Variants in POLRMT observed in about 807,000 individuals in gnomAD.
POLRMT encodes the protein RNA polymerase mitochondrial.
Under a neutral mutation model 132.2 loss-of-function variants are expected in POLRMT, and 114 were observed. The ratio of observed to expected loss-of-function variants is 0.86; its 90% CI spans 0.74 to 1.01. POLRMT has a LOEUF of 1.01. POLRMT is among the 50% of genes least tolerant of loss of function. POLRMT has a pLI of 0.00. For missense variants in POLRMT, 2,003 were observed against 1,729.1 expected, an observed-to-expected ratio of 1.16 and a Z score of -2.81; for synonymous variants, 1,020 against 773.4, an observed-to-expected ratio of 1.32 and a Z score of -5.29.
chr19:617,384 TCGAGCCACCCTTG>T (rs770121530), intron 20 of POLRMT, 22 bp downstream of exon 20: 1 of 1,612,402 alleles, frequency 6.2e-7, no homozygotes, highest in South Asian at 1.1e-5. Context: ...GGCCCGCAGT[TCGAGCCACCCTTG>T]CGAGGCTGCC....
Position 633,529 on chromosome 19 carries a change from G to GGCGCCGCCGCAGCC in POLRMT, c.-18_-17insGGCTGCGGCGGCGC. The stretch of plus-strand genomic sequence containing the variant: ...TGCCGACATTACGCACGCCGCTCCA[G>GGCGCCGCCGCAGCC]GCCACCCCACCGGCCCGCGCCTGCG... On this transcript the variant is annotated 5_prime_UTR_variant, in exon 1 of 21. Transcript: ENST00000588649. 1 of 1,463,692 alleles carries GGCGCCGCCGCAGCC rather than the reference G, an allele frequency of 6.8e-7. No homozygotes were observed. The highest frequency in any genetic ancestry group is 9.0e-7 in the Non-Finnish European group (1 of 1,109,956). 90.7% of individuals were successfully genotyped at this position (1,463,692 alleles called of 1,614,324 possible).
chr19:618,946 T>C, intron 15 of POLRMT, 51 bp downstream of exon 15: 1 of 1,454,056 alleles, frequency 6.9e-7, no homozygotes, highest in African/African-American at 1.4e-5. Context: ...ACTGGGACGC[T>C]GTTACACTGG....
intron 2 of POLRMT, 117 bp from the exon 3 acceptor site, chr19:630,285 G>A (rs887243706): frequency 1.6e-6 from 2 of 1,241,534 alleles, no homozygotes; most frequent in African/African-American, 3.0e-5. Context: ...TGGGACCCAA[G>A]GCGTGAATTC....
chr19:623,111 G>A, intron 6 of POLRMT, 126 bp from the exon 7 acceptor site: 1 of 1,244,522 alleles, frequency 8.0e-7, no homozygotes, highest in Non-Finnish European at 1.1e-6. Context: ...GTGTGTTCCG[G>A]GTAGCTCCTC....
chr19:632,105 G>A (rs966410642), intron 2 of POLRMT, among the ~76,000 whole-genome samples: 3 of 144,248 alleles, frequency 2.1e-5, no homozygotes, highest in African/African-American at 7.7e-5. Flanking sequence ...CGCCCACCTT[G>A]GCCACCCAAA....
intron 13 of POLRMT, 61 bp downstream of exon 13, chr19:619,525 C>T (rs1568163992): frequency 1.9e-6 from 3 of 1,592,434 alleles, no homozygotes; most frequent in Non-Finnish European, 1.7e-6. Context: ...GGGGGCACAC[C>T]CGTCTGAGTT....
chr19:632,235 A>G (rs902280703), intron 2 of POLRMT, among the ~76,000 whole-genome samples: 63 of 149,326 alleles, frequency 4.2e-4, no homozygotes, highest in African/African-American at 1.5e-3. Context: ...GCACCTGGCC[A>G]GGTTTTTTCC....
In POLRMT at chr19:622,226, T is replaced by G; in HGVS notation, c.1774A>C (p.Ser592Arg). 6.4e-7 allele frequency: 1 copy of G among 1,563,772 alleles called. No individual in the cohort carries two copies. The highest frequency in any genetic ancestry group is 8.6e-7 in the Non-Finnish European group (1 of 1,157,070). The change falls in exon 9 of 21, where the codon AGC becomes CGC. Residue 592 changes from serine to arginine, a missense_variant. By Grantham distance (110) the Ser-to-Arg change is moderately radical (BLOSUM62 -1). Coordinates refer to ENST00000588649, the MANE Select transcript of POLRMT (RefSeq NM_005035.4). The stretch of plus-strand genomic sequence containing the variant: ...GAGGAACGATGCGGCTTGTCCAGGC[T>G]GCATGGCATCTGCGTAGCCTGCACC... ...MLVQATQMPCSLDKPHRSSRL... is the reference protein window; with the variant it reads ...MLVQATQMPCRLDKPHRSSRL...
chr19:628,371 G>A (rs1378314708), intron 3 of POLRMT, among the ~76,000 whole-genome samples: 1 of 152,152 alleles, frequency 6.6e-6, no homozygotes, highest in East Asian at 1.9e-4. Flanking sequence ...GGAGTCTGGC[G>A]CCCCCTGCAG....
At chr19:625,622 C>T (rs1984968837) in intron 3 of POLRMT, 2 of 187,748 alleles carry the variant, frequency 1.1e-5, no homozygotes, top group Non-Finnish European at 2.2e-5. Flanking sequence ...AACTTCCTCT[C>T]ATCTACTTGC....
chr19:626,884 T>TACACACACACACACAC (rs1290099212), intron 3 of POLRMT, among the ~76,000 whole-genome samples: 2 of 95,294 alleles, frequency 2.1e-5, no homozygotes, highest in Admixed American at 9.7e-5. Flanking sequence ...TGTCTTAAAA[T>TACACACACACACACAC]ATACACACAC....
intron 3 of POLRMT, among the ~76,000 whole-genome samples, chr19:627,395 G>A (rs151020743): frequency 0.086 from 12,891 of 150,742 alleles, 976 homozygotes; most frequent in South Asian, 0.21. Context: ...CTCGTGATCC[G>A]CCCGCCTCAG....
At position 619,615 on chromosome 19, in the gene POLRMT, G is replaced by A. The variant is rs745348188; in HGVS notation, c.3037C>T (p.Arg1013Cys). 1.2e-6 allele frequency: 2 copies of A among 1,610,798 alleles called. No homozygotes were observed. Among genetic ancestry groups the A allele is most frequent in the East Asian group, 2.2e-5 (1 of 44,888 alleles). Reference protein sequence around the residue: ...RYGGRLQIEKRLRELSDFPQE... With the variant: ...RYGGRLQIEKCLRELSDFPQE... ...GGAAAGTCGCTCAGCTCCCGGAGGC[G>A]CTTCTCAATCTGCAGGCGCCCGCCA... The change falls in exon 13 of 21, where the codon CGC (arginine) becomes TGC (cysteine). Residue 1013 changes from arginine to cysteine, a missense_variant. Transcript: ENST00000588649.
In POLRMT at chr19:619,307, C is replaced by T. The variant is rs370599584; in HGVS notation, c.3067-11G>A. On this transcript the variant is annotated splice_polypyrimidine_tract_variant and intron_variant, in intron 13 of 20. Transcript: ENST00000588649. Reference sequence around the variant, plus strand: ...CTCCCACACGAACTCCTGCAGAGGGCGGGCAGCAGGTGCAGGTCCTCAGGG... The same window carrying T: ...CTCCCACACGAACTCCTGCAGAGGGTGGGCAGCAGGTGCAGGTCCTCAGGG... 27 of 1,608,104 alleles carry T rather than the reference C, an allele frequency of 1.7e-5. No individual in the cohort carries two copies. The highest frequency in any genetic ancestry group is 6.7e-5 in the East Asian group (3 of 44,812).
chr19:618,612 G>T, intron 16 of POLRMT, 26 bp from the exon 17 acceptor site: 2 of 1,600,228 alleles, frequency 1.2e-6, no homozygotes. Context: ...GTGCCGGTGG[G>T]GGCGGCCCAG....
chr19:622,056 G>A (rs1984653166), intron 9 of POLRMT, 93 bp downstream of exon 9: 2 of 1,269,850 alleles, frequency 1.6e-6, no homozygotes, highest in South Asian at 3.0e-5. Context: ...CGGCTGCGCT[G>A]AGATCAAGGC....
At chr19:625,462 TG>T (rs766586262) in intron 3 of POLRMT, 114 of 571,924 alleles carry the variant, frequency 2.0e-4, no homozygotes, top group Non-Finnish European at 3.0e-4. Flanking sequence ...GCCCGCCAGG[TG>T]GGACTGTGGG....
At position 623,997 on chromosome 19, in the gene POLRMT, G is replaced by A. The variant is rs77896264; in HGVS notation, c.1141-394C>T. ...TAACAACTAAAGCCTAGCGCTTTGA[G>A]AATCAAAGACGCACGTCCACATAAA... is the stretch of plus-strand genomic sequence containing the variant. On this transcript the variant is annotated intron_variant, in intron 5 of 20. Transcript: ENST00000588649. Among the ~76,000 whole-genome samples, 470 of 152,354 alleles carry A rather than the reference G, an allele frequency of 3.1e-3. 7 individuals carry two copies. Among genetic ancestry groups the A allele is most frequent in the African/African-American group, 0.011 (440 of 41,570 alleles).
chr19:622,737 G>A lies in POLRMT; in HGVS notation c.1471C>T (p.Pro491Ser), dbSNP rs755030410. 5.0e-6 allele frequency: 8 copies of A among 1,591,500 alleles called. No homozygotes were observed. The highest frequency in any genetic ancestry group is 6.8e-6 in the Non-Finnish European group (8 of 1,170,692). ...RMLLQVLQAL[P>S]AQGESFTTLA... ...GTGGTGAAGGACTCACCTTGGGCGG[G>A]CAGCGCCTGCAGGACCTGCGGAAGG... Residue 491 changes from proline (P) to serine (S), a missense_variant, in exon 8 of 21, where the codon CCC becomes TCC. By Grantham distance (74) the Pro-to-Ser change is moderately conservative (BLOSUM62 -1). Coordinates refer to ENST00000588649, the MANE Select transcript of POLRMT (RefSeq NM_005035.4).
Sources: gnomAD v4.1 joint callset for allele counts (sites outside exome capture counted in the v4.1 genomes callset) on GRCh38, gnomAD v4.1.1 for gene constraint, MANE v1.5 for transcripts, NCBI Gene and HGNC (gene_info 2026-07-23, HGNC 2026-07-21) for gene names.